Variants in PCED1B observed in about 807,000 individuals in gnomAD.
The protein encoded by PCED1B is PC-esterase domain-containing protein 1B.
For synonymous variants in PCED1B, 251 were observed against 246.1 expected (o/e 1.02, Z -0.19); for missense variants, 573 against 573.9 (o/e 1.00, Z 0.02).
chr12:47,186,310 CTT>C (rs71890717), intron 2 of PCED1B, among the ~76,000 whole-genome samples: 86,219 of 151,200 alleles, frequency 0.57, 25,163 homozygotes, highest in South Asian at 0.67. Context: ...AGGAAAATGA[CTT>C]TGAGCTTCTA....
rs1245017386 is a variant in PCED1B, at chr12:47,236,418, TC to T, written c.*58del. The T allele has an allele frequency of 1.2e-5, 17 of 1,441,354 alleles. No individual in the cohort carries two copies. Among genetic ancestry groups the T allele is most frequent in the Non-Finnish European group, 1.5e-5 (16 of 1,085,906 alleles). 89.3% of individuals were successfully genotyped at this position (1,441,354 alleles called of 1,614,324 possible). ...ACATGGATTGGACAGATCTGACACT[TC>T]CTTTCCATTGCTTGGCCTGAACAGA... On this transcript the variant is annotated 3_prime_UTR_variant, in exon 4 of 4. Transcript: ENST00000546455.
intron 3 of PCED1B, among the ~76,000 whole-genome samples, chr12:47,224,358 T>C (rs1592315816): frequency 6.6e-6 from 1 of 152,354 alleles, no homozygotes; most frequent in East Asian, 1.9e-4. Context: ...CTTTCTGTAA[T>C]TCATAGGCGT....
intron 2 of PCED1B, among the ~76,000 whole-genome samples, chr12:47,182,656 A>C (rs1182210228): frequency 2.0e-5 from 3 of 152,174 alleles, no homozygotes; most frequent in Non-Finnish European, 4.4e-5. Flanking sequence ...TCTTTTTAAC[A>C]GCCTTCCAGT....
At chr12:47,197,261 A>G (rs1307076330) in intron 2 of PCED1B, among the ~76,000 whole-genome samples, 1 of 137,412 alleles carries the variant, frequency 7.3e-6, no homozygotes, top group African/African-American at 2.7e-5. Context: ...AAAAAAAAAA[A>G]GATATAAAAA....
At chr12:47,202,104 A>G (rs1036025395) in intron 2 of PCED1B, among the ~76,000 whole-genome samples, 6 of 152,248 alleles carry the variant, frequency 3.9e-5, no homozygotes, top group Non-Finnish European at 8.8e-5. Context: ...AAATATAAAT[A>G]TCACCTAGAG....
At chr12:47,229,840 G>A (rs1031732846) in intron 3 of PCED1B, among the ~76,000 whole-genome samples, 1 of 151,820 alleles carries the variant, frequency 6.6e-6, no homozygotes, top group African/African-American at 2.4e-5. Context: ...CGCGATCTTG[G>A]CTCATTGCAA....
intron 2 of PCED1B, among the ~76,000 whole-genome samples, chr12:47,130,066 A>T (rs991588847): frequency 6.6e-6 from 1 of 152,142 alleles, no homozygotes; most frequent in Non-Finnish European, 1.5e-5. Flanking sequence ...TGGGTTTTTT[A>T]AAAATAAAAT....
chr12:47,218,693 C>G (rs1461625212), intron 3 of PCED1B, among the ~76,000 whole-genome samples: 2 of 138,488 alleles, frequency 1.4e-5, no homozygotes, highest in Admixed American at 7.6e-5. Flanking sequence ...TTTTTAGAGA[C>G]AGAGGTGTAG....
intron 2 of PCED1B, among the ~76,000 whole-genome samples, chr12:47,139,878 T>A (rs921130243): frequency 6.6e-6 from 1 of 152,064 alleles, no homozygotes; most frequent in Non-Finnish European, 1.5e-5. Flanking sequence ...TATGTGTGTA[T>A]GTATCTGTGT....
At chr12:47,103,420 C>T (rs1035917355) in intron 1 of PCED1B, among the ~76,000 whole-genome samples, 3 of 152,168 alleles carry the variant, frequency 2.0e-5, no homozygotes, top group Non-Finnish European at 4.4e-5. Flanking sequence ...AATGTGGCTC[C>T]CATCTGCACT....
At chr12:47,150,594 A>G (rs1565569092) in intron 2 of PCED1B, among the ~76,000 whole-genome samples, 1 of 151,858 alleles carries the variant, frequency 6.6e-6, no homozygotes, top group Non-Finnish European at 1.5e-5. Flanking sequence ...AAAAAAAGAA[A>G]TAACTATGTA....
At chr12:47,192,885 A>G (rs577660257) in intron 2 of PCED1B, among the ~76,000 whole-genome samples, 1 of 152,304 alleles carries the variant, frequency 6.6e-6, no homozygotes, top group Non-Finnish European at 1.5e-5. Flanking sequence ...TAAGATCACA[A>G]AGAAAATGTA....
intron 2 of PCED1B, among the ~76,000 whole-genome samples, chr12:47,192,969 C>T (rs1942492178): frequency 6.6e-6 from 1 of 152,118 alleles, no homozygotes; most frequent in Non-Finnish European, 1.5e-5. Context: ...TGAGACCTTC[C>T]TTATCCCCAT....
At chr12:47,221,336 T>C (rs1282577675) in intron 3 of PCED1B, among the ~76,000 whole-genome samples, 8 of 122,076 alleles carry the variant, frequency 6.6e-5, no homozygotes, top group Admixed American at 6.4e-4. Context: ...GACATCAAAA[T>C]TCTTTTTTTT....
At chr12:47,196,130 T>G (rs1002012313) in intron 2 of PCED1B, among the ~76,000 whole-genome samples, 1 of 152,244 alleles carries the variant, frequency 6.6e-6, no homozygotes, top group African/African-American at 2.4e-5. Context: ...ATATTGACAT[T>G]TTTAAAGTAG....
intron 2 of PCED1B, among the ~76,000 whole-genome samples, chr12:47,154,439 C>T (rs74323510): frequency 0.039 from 5,880 of 152,194 alleles, 373 homozygotes; most frequent in African/African-American, 0.13. Flanking sequence ...ACAGAACCAA[C>T]TTTATGTTTC....
chr12:47,156,457 G>A (rs918386263), intron 2 of PCED1B, among the ~76,000 whole-genome samples: 23 of 152,228 alleles, frequency 1.5e-4, no homozygotes, highest in African/African-American at 5.5e-4. Flanking sequence ...CAAGGTTCCA[G>A]TCTTGCTCCC....
chr12:47,171,849 T>TTTC (rs781736252), intron 2 of PCED1B, among the ~76,000 whole-genome samples: 6 of 151,766 alleles, frequency 4.0e-5, no homozygotes, highest in Admixed American at 6.6e-5. Context: ...CTGCTGCTTC[T>TTTC]TTCTTCTTCT....
chr12:47,153,375 A>G (rs940635964), intron 2 of PCED1B, among the ~76,000 whole-genome samples: 7 of 148,564 alleles, frequency 4.7e-5, no homozygotes, highest in African/African-American at 9.7e-5. Context: ...AAAAAAAAAA[A>G]AGAGAATATA....
Sources: allele counts gnomAD v4.1 joint callset (sites outside exome capture counted in the v4.1 genomes callset), GRCh38; gene constraint gnomAD v4.1.1; transcripts MANE v1.5; gene names NCBI Gene and HGNC (gene_info 2026-07-23, HGNC 2026-07-21).